The following TRAPPC3L variants were observed in gnomAD, a reference collection of about 807,000 sequenced individuals.
The protein encoded by TRAPPC3L is trafficking protein particle complex subunit 3L.
TRAPPC3L carries 23 observed loss-of-function variants against 23.7 expected under a neutral mutation model. That is an observed-to-expected ratio of 0.97 (90% CI 0.70 to 1.37). The LOEUF is 1.37. Among genes scored for constraint, TRAPPC3L ranks in the 40% most tolerant of loss-of-function variants. The probability of loss-of-function intolerance (pLI) is 0.00; values close to 1 mark genes in which losing one functional copy is unlikely to be tolerated. For synonymous variants in TRAPPC3L, 81 were observed against 77.9 expected (o/e 1.04, Z -0.21); for missense variants, 212 against 216.8 (o/e 0.98, Z 0.14).
At chr6:116,534,633 T>C (rs979391584) in intron 3 of TRAPPC3L, among the ~76,000 whole-genome samples, 2 of 152,216 alleles carry the variant, frequency 1.3e-5, no homozygotes, top group African/African-American at 4.8e-5. Flanking sequence ...CTAGAGTTTA[T>C]GCTTACAAAA....
chr6:116,496,935 G>T lies in TRAPPC3L; in HGVS notation c.*19C>A, dbSNP rs1437719302. 3 of 1,534,522 alleles carry T rather than the reference G, an allele frequency of 2.0e-6. No individual in the cohort carries two copies. The Admixed American group carries it at 6.6e-5, about 34-fold the overall frequency. On this transcript the variant is annotated 3_prime_UTR_variant, in exon 5 of 5. Transcript: ENST00000368602. ...CATTAACTCAGCTAGCCGCCCCGTG[G>T]CATTTTCCGTGCTAGTCTTCATTTT...
chr6:116,497,657 G>T (rs1257736098), intron 4 of TRAPPC3L, among the ~76,000 whole-genome samples: 1 of 152,046 alleles, frequency 6.6e-6, no homozygotes, highest in African/African-American at 2.4e-5. Flanking sequence ...TCTCTGTAAG[G>T]TATTTCCCAT....
At chr6:116,512,275 G>A in intron 3 of TRAPPC3L, 6 of 1,554,840 alleles carry the variant, frequency 3.9e-6, no homozygotes, top group East Asian at 2.3e-5. Context: ...CTCAGCATGA[G>A]CTCGAAGTAT....
intron 4 of TRAPPC3L, among the ~76,000 whole-genome samples, chr6:116,498,108 A>G: frequency 6.6e-6 from 1 of 152,236 alleles, no homozygotes; most frequent in Non-Finnish European, 1.5e-5. Context: ...TCAAAATTTA[A>G]CAGAACATAA....
intron 3 of TRAPPC3L, among the ~76,000 whole-genome samples, chr6:116,534,015 C>T (rs1000641122): frequency 1.3e-5 from 2 of 152,170 alleles, no homozygotes; most frequent in African/African-American, 4.8e-5. Context: ...CCTTCCCCAA[C>T]AAGATTTGAA....
chr6:116,517,169 C>T (rs1772244728), intron 3 of TRAPPC3L: 1 of 152,120 alleles, frequency 6.6e-6, no homozygotes, highest in African/African-American at 2.4e-5. Flanking sequence ...TCTCAAGGCT[C>T]TGCTTCTTAG....
chr6:116,507,414 G>A (rs1189048186), intron 3 of TRAPPC3L, among the ~76,000 whole-genome samples: 1 of 152,160 alleles, frequency 6.6e-6, no homozygotes, highest in African/African-American at 2.4e-5. Flanking sequence ...ATTTGAAAAT[G>A]TTAGATAGAA....
intron 3 of TRAPPC3L, chr6:116,517,321 T>C (rs777417178): frequency 2.0e-5 from 3 of 152,160 alleles, no homozygotes; most frequent in Non-Finnish European, 4.4e-5. Context: ...TGCATTGCAG[T>C]CTTACATTTA....
chr6:116,507,685 T>C (rs1772031164), intron 3 of TRAPPC3L, among the ~76,000 whole-genome samples: 1 of 152,110 alleles, frequency 6.6e-6, no homozygotes, highest in Admixed American at 6.5e-5. Flanking sequence ...CTGTGGGTCT[T>C]GGTTGCAGGT....
chr6:116,497,780 T>G (rs966684099), intron 4 of TRAPPC3L, among the ~76,000 whole-genome samples: 1 of 152,190 alleles, frequency 6.6e-6, no homozygotes, highest in Non-Finnish European at 1.5e-5. Context: ...TTCAGAGTTA[T>G]TTTGATTTAT....
chr6:116,523,699 C>T (rs1583274506), intron 3 of TRAPPC3L: 2 of 152,146 alleles, frequency 1.3e-5, no homozygotes, highest in Non-Finnish European at 2.9e-5. Flanking sequence ...CATAGTATCA[C>T]ATGTGAAATA....
At chr6:116,515,032 C>G (rs1207259639) in intron 3 of TRAPPC3L, among the ~76,000 whole-genome samples, 1 of 152,134 alleles carries the variant, frequency 6.6e-6, no homozygotes, top group African/African-American at 2.4e-5. Context: ...TACCAAAAAT[C>G]AAGACAAATC....
Position 116,496,583 on chromosome 6 carries a change from CT to C in TRAPPC3L, c.*370del, listed in dbSNP as rs560120430. On this transcript the variant is annotated 3_prime_UTR_variant, in exon 5 of 5. Coordinates refer to ENST00000368602, the MANE Select transcript of TRAPPC3L (RefSeq NM_001139444.3). ...AAACTCTATGCTATATCATTTCATT[CT>C]TTTTTTTTCAGCAAAGAGACAAATA... is the stretch of plus-strand genomic sequence containing the variant. The C allele has an allele frequency of 1.3e-4, 23 of 171,856 alleles. No individual in the cohort carries two copies. The highest frequency in any genetic ancestry group is 2.5e-3 in the Middle Eastern group (1 of 394). 10.6% of individuals were successfully genotyped at this position (171,856 alleles called of 1,614,324 possible).
rs35398770 is a variant in TRAPPC3L, at chr6:116,515,952, C to T, written c.241-15286G>A. The T allele has an allele frequency of 7.4e-4, 1,194 of 1,610,060 alleles. 5 individuals are homozygous for T. The African/African-American group carries it at 0.013, about 18-fold the overall frequency. On this transcript the variant is annotated intron_variant, in intron 3 of 4. Transcript: ENST00000368602. ...CAACTTAGCCCTGAGGATGATGAGA[C>T]GACAATGGTCCTTGTGGGTACTGCC...
chr6:116,513,104 A>C (rs9488952), intron 3 of TRAPPC3L, among the ~76,000 whole-genome samples: 4,774 of 151,750 alleles, frequency 0.031, 250 homozygotes, highest in African/African-American at 0.11. Context: ...AAGTGGTAAG[A>C]GTTGATAAGC....
At chr6:116,501,348 AC>A (rs1466237072) in intron 3 of TRAPPC3L, among the ~76,000 whole-genome samples, 1 of 152,174 alleles carries the variant, frequency 6.6e-6, no homozygotes, top group African/African-American at 2.4e-5. Flanking sequence ...CACAGTGTAA[AC>A]AAAAAGGCAG....
chr6:116,501,039 G>A (rs928696955), intron 3 of TRAPPC3L, among the ~76,000 whole-genome samples: 2 of 152,102 alleles, frequency 1.3e-5, no homozygotes, highest in African/African-American at 2.4e-5. Context: ...GCAGGGCATC[G>A]CCTCATGTGG....
intron 3 of TRAPPC3L, chr6:116,523,816 C>A (rs1195662007): frequency 6.6e-6 from 1 of 152,050 alleles, no homozygotes; most frequent in African/African-American, 2.4e-5. Context: ...AAAAAACAAC[C>A]AGGTACATCT....
Position 116,533,565 on chromosome 6 carries a change from G to A in TRAPPC3L, c.240+6798C>T, listed in dbSNP as rs552966972. On this transcript the variant is annotated intron_variant, in intron 3 of 4. Transcript: ENST00000368602. ...CGTGAGGCCACCAAAATTTAAAACG[G>A]CAATAGAAATGTAAGTAACAATCAG... Among the ~76,000 whole-genome samples, 4 of 152,288 alleles carry A rather than the reference G, an allele frequency of 2.6e-5. No individual in the cohort carries two copies. In the South Asian group the frequency reaches 8.3e-4, roughly 32 times the overall value.
Sources: allele counts gnomAD v4.1 joint callset (sites outside exome capture counted in the v4.1 genomes callset), GRCh38; gene constraint gnomAD v4.1.1; transcripts MANE v1.5; gene names NCBI Gene and HGNC (gene_info 2026-07-23, HGNC 2026-07-21).